MPP7: variants seen among roughly 807,000 people sequenced by gnomAD.
MPP7 encodes MAGUK p55 subfamily member 7.
MPP7 carries 60 observed loss-of-function variants against 76.5 expected under a neutral mutation model. The ratio of observed to expected loss-of-function variants is 0.78; its 90% CI spans 0.64 to 0.97. MPP7 has a LOEUF of 0.97. Ranked by LOEUF, MPP7 falls within the 50% of genes least tolerant of loss-of-function variation. The pLI is 0.00. For missense variants in MPP7, 641 were observed against 694.0 expected (o/e 0.92, Z 0.86); for synonymous variants, 237 against 244.5 (o/e 0.97, Z 0.29).
chr10:28,263,573 A>T (rs570395801), intron 1 of MPP7, among the ~76,000 whole-genome samples: 1 of 152,152 alleles, frequency 6.6e-6, no homozygotes, highest in African/African-American at 2.4e-5. Flanking sequence ...TTCTAAAATC[A>T]ACACTGAAGT....
chr10:28,294,753 C>T (rs1239633730), intron 1 of MPP7, among the ~76,000 whole-genome samples: 1 of 152,142 alleles, frequency 6.6e-6, no homozygotes, highest in Non-Finnish European at 1.5e-5. Flanking sequence ...TAAAAGAAAA[C>T]ATTTATTGCA....
intron 2 of MPP7, among the ~76,000 whole-genome samples, chr10:28,233,148 T>C (rs1191724451): frequency 3.9e-5 from 6 of 152,328 alleles, no homozygotes; most frequent in Admixed American, 2.0e-4. Context: ...TACTGCTATA[T>C]TGGTACACGT....
intron 3 of MPP7, among the ~76,000 whole-genome samples, chr10:28,200,491 C>A (rs975817245): frequency 1.3e-5 from 2 of 152,154 alleles, no homozygotes; most frequent in African/African-American, 4.8e-5. Flanking sequence ...TGCTTTCTAA[C>A]CACTTAGTAT....
intron 1 of MPP7, among the ~76,000 whole-genome samples, chr10:28,242,235 A>G (rs1383629742): frequency 6.6e-6 from 1 of 152,224 alleles, no homozygotes; most frequent in Non-Finnish European, 1.5e-5. Context: ...CTATCATTTC[A>G]GAAGAATAAG....
intron 1 of MPP7, among the ~76,000 whole-genome samples, chr10:28,288,235 A>G (rs182921975): frequency 3.9e-5 from 6 of 152,166 alleles, no homozygotes; most frequent in Admixed American, 2.6e-4. Flanking sequence ...AAGGGTTATT[A>G]TGTTTTGATT....
chr10:28,189,141 G>C (rs1309754635), intron 3 of MPP7, among the ~76,000 whole-genome samples: 2 of 152,102 alleles, frequency 1.3e-5, no homozygotes, highest in African/African-American at 4.8e-5. Context: ...GCAAAGTACT[G>C]GGGGATTACA....
chr10:28,075,587 T>C (rs1160785690), intron 12 of MPP7, among the ~76,000 whole-genome samples: 1 of 152,164 alleles, frequency 6.6e-6, no homozygotes, highest in Non-Finnish European at 1.5e-5. Flanking sequence ...AAATTTCTCC[T>C]GCTTCCTGAA....
intron 1 of MPP7, among the ~76,000 whole-genome samples, chr10:28,242,450 CA>C (rs1271111389): frequency 2.0e-5 from 3 of 152,150 alleles, no homozygotes; most frequent in East Asian, 3.8e-4. Flanking sequence ...TATCTGTTAA[CA>C]TATTTGGACC....
intron 3 of MPP7, among the ~76,000 whole-genome samples, chr10:28,168,245 A>G (rs1253910130): frequency 6.6e-6 from 1 of 151,888 alleles, no homozygotes; most frequent in African/African-American, 2.4e-5. Context: ...AAAAAAGATT[A>G]TATTTTCTAT....
chr10:28,238,535 G>A, intron 2 of MPP7, 33 bp downstream of exon 2: 2 of 1,609,970 alleles, frequency 1.2e-6, no homozygotes, highest in Non-Finnish European at 1.7e-6. Flanking sequence ...AAGCAAAGAT[G>A]GAATGAGAAC....
intron 12 of MPP7, among the ~76,000 whole-genome samples, chr10:28,088,653 G>A (rs764446283): frequency 1.3e-5 from 2 of 152,136 alleles, no homozygotes; most frequent in Non-Finnish European, 2.9e-5. Flanking sequence ...AACACTAAGA[G>A]ACACCATGCT....
intron 2 of MPP7, among the ~76,000 whole-genome samples, chr10:28,323,883 C>T (rs1305866273): frequency 6.6e-6 from 1 of 152,018 alleles, no homozygotes; most frequent in African/African-American, 2.4e-5. Context: ...GGGATGTGGA[C>T]ATTCATTAGA....
intron 2 of MPP7, among the ~76,000 whole-genome samples, chr10:28,232,769 G>T (rs1838932773): frequency 6.6e-6 from 1 of 152,092 alleles, no homozygotes; most frequent in Non-Finnish European, 1.5e-5. Flanking sequence ...CATTAAGGGG[G>T]TTGGGAAGAT....
intron 1 of MPP7, among the ~76,000 whole-genome samples, chr10:28,280,461 A>C (rs1487205341): frequency 1.3e-5 from 2 of 152,102 alleles, no homozygotes; most frequent in East Asian, 3.8e-4. Flanking sequence ...TTCAGTACAG[A>C]AAGAACCATT....
At chr10:28,205,791 C>A (rs1015134698) in intron 2 of MPP7, among the ~76,000 whole-genome samples, 11 of 152,172 alleles carry the variant, frequency 7.2e-5, no homozygotes, top group Non-Finnish European at 1.5e-4. Flanking sequence ...TGAGTTAGGT[C>A]TTTGCTGTGG....
intron 2 of MPP7, among the ~76,000 whole-genome samples, chr10:28,321,701 C>T (rs1260198644): frequency 6.6e-6 from 1 of 152,176 alleles, no homozygotes; most frequent in Admixed American, 6.6e-5. Context: ...TCTCCTGCCT[C>T]AGCCTCCTGA....
intron 2 of MPP7, among the ~76,000 whole-genome samples, chr10:28,309,755 C>A (rs1043338805): frequency 6.6e-6 from 1 of 152,104 alleles, no homozygotes; most frequent in South Asian, 2.1e-4. Context: ...GCGGATCCCT[C>A]GTGGCTTGGT....
chr10:28,295,346 T>C (rs1261820832), intron 1 of MPP7, among the ~76,000 whole-genome samples: 3 of 152,180 alleles, frequency 2.0e-5, no homozygotes, highest in Admixed American at 6.5e-5. Flanking sequence ...GATTATACTA[T>C]GTACAAAAAG....
intron 5 of MPP7, among the ~76,000 whole-genome samples, chr10:28,143,584 T>TCACTCTTTCACCCAG (rs1835599557): frequency 3.6e-4 from 55 of 151,748 alleles, no homozygotes; most frequent in Admixed American, 5.9e-4. Context: ...TTCCTATCTT[T>TCACTCTTTCACCCAG]GTGGATCAAA....
Sources: allele counts gnomAD v4.1 joint callset (sites outside exome capture counted in the v4.1 genomes callset), GRCh38; gene constraint gnomAD v4.1.1; transcripts MANE v1.5; gene names NCBI Gene and HGNC (gene_info 2026-07-23, HGNC 2026-07-21).